Variants in SH2D3C observed in about 807,000 individuals in gnomAD.
SH2D3C encodes SH2 domain containing 3C.
In SH2D3C, 25 loss-of-function variants were observed where a neutral mutation model predicts 75.2. That is an observed-to-expected ratio of 0.33 (90% CI 0.24 to 0.46). The LOEUF (loss-of-function observed/expected upper bound fraction) is 0.46. Ranked by LOEUF, SH2D3C falls within the 20% of genes least tolerant of loss-of-function variation. The pLI, the probability that SH2D3C is intolerant of heterozygous loss-of-function variation, is 1.00. For synonymous variants in SH2D3C, 450 were observed against 473.7 expected, an observed-to-expected ratio of 0.95 and a Z score of 0.65; for missense variants, 933 against 1,165.3, an observed-to-expected ratio of 0.80 and a Z score of 2.90.
At chr9:127,765,218 T>C (rs1845610915) in intron 2 of SH2D3C, among the ~76,000 whole-genome samples, 1 of 152,148 alleles carries the variant, frequency 6.6e-6, no homozygotes, top group South Asian at 2.1e-4. Flanking sequence ...CAGCAAGGTC[T>C]TCCCTGGCCA....
chr9:127,747,987 C>T (rs937879539), intron 5 of SH2D3C, among the ~76,000 whole-genome samples: 8 of 152,202 alleles, frequency 5.3e-5, no homozygotes, highest in Non-Finnish European at 1.0e-4. Context: ...TCCTCTGTCC[C>T]TCTCCTTTCC....
chr9:127,743,881 C>CG (rs987895564), intron 7 of SH2D3C, among the ~76,000 whole-genome samples: 12 of 149,582 alleles, frequency 8.0e-5, no homozygotes, highest in East Asian at 2.0e-4. Context: ...TGTCCAGTGG[C>CG]GGGGGGGCGG....
Position 127,747,287 on chromosome 9 carries a change from C to T in SH2D3C, c.1140-16G>A, listed in dbSNP as rs1289070966. On this transcript the variant is annotated splice_polypyrimidine_tract_variant and intron_variant, in intron 5 of 11. Transcript: ENST00000314830. Reference sequence around the variant, plus strand: ...CAGCGACGTACTGTGGAGCAGACACCATCATGGGCAGGGAGCCCGGAGGTC... The same window carrying T: ...CAGCGACGTACTGTGGAGCAGACACTATCATGGGCAGGGAGCCCGGAGGTC... 4.4e-6 allele frequency: 7 copies of T among 1,608,686 alleles called. No homozygotes were observed. The Admixed American group carries it at 6.7e-5, about 15-fold the overall frequency.
At position 127,774,570 on chromosome 9, in the gene SH2D3C, G is replaced by C; in HGVS notation, c.38-103C>G. On this transcript the variant is annotated intron_variant, in intron 1 of 11. Coordinates refer to ENST00000314830, the MANE Select transcript of SH2D3C (RefSeq NM_170600.3). The surrounding 1 kb of genome is among the most constrained non-coding windows in gnomAD (Gnocchi z 4.3). Reference sequence around the variant, plus strand: ...TTCACTCGGTGAGGGGCTGAAGAGGGCTGGCGGTTTCCCAGACACCCCTTC... The same window carrying C: ...TTCACTCGGTGAGGGGCTGAAGAGGCCTGGCGGTTTCCCAGACACCCCTTC... The C allele has an allele frequency of 4.4e-6, 3 of 684,236 alleles. No homozygotes were observed. Among genetic ancestry groups the C allele is most frequent in the Non-Finnish European group, 7.7e-6 (3 of 390,548 alleles). 42.4% of individuals were successfully genotyped at this position (684,236 alleles called of 1,614,324 possible). A position where few individuals can be genotyped will look rare whatever the true frequency, so the allele number is the denominator to read the frequency against.
rs1044467992 is a variant in SH2D3C at position 127,754,333 on chromosome 9, G to A, written c.556-3033C>T. Among the ~76,000 whole-genome samples the A allele has an allele frequency of 2.0e-5, 3 of 152,078 alleles. No homozygotes were observed. Among genetic ancestry groups the A allele is most frequent in the African/African-American group, 4.8e-5 (2 of 41,424 alleles). ...CCTGGCATCTCCCAGGGGGCTCAGG[G>A]GGCAGGAGCGCGGAGACCCCCGGAC... is the stretch of plus-strand genomic sequence containing the variant. On this transcript the variant is annotated intron_variant, in intron 3 of 11. Coordinates refer to ENST00000314830, the MANE Select transcript of SH2D3C (RefSeq NM_170600.3). This position sits in a 1 kb window ranked among gnomAD's most constrained non-coding sequence, Gnocchi z 4.4.
At chr9:127,771,566 C>T (rs868427227) in intron 2 of SH2D3C, 6 of 328,074 alleles carry the variant, frequency 1.8e-5, no homozygotes, top group Non-Finnish European at 5.5e-6. Flanking sequence ...CCCAGCAGCT[C>T]TCCGCGCAGC....
intron 10 of SH2D3C, 93 bp downstream of exon 10, chr9:127,740,165 G>T (rs1479931858): frequency 2.8e-6 from 3 of 1,066,502 alleles, no homozygotes; most frequent in East Asian, 2.4e-5. Context: ...CTTGCACAGA[G>T]CTCAGCCAGG....
intron 3 of SH2D3C, among the ~76,000 whole-genome samples, chr9:127,752,946 C>A (rs1171592758): frequency 6.6e-6 from 1 of 152,074 alleles, no homozygotes; most frequent in Non-Finnish European, 1.5e-5. Context: ...ACTGGGTGAG[C>A]CAAGCAAAAG....
chr9:127,742,686 A>C (rs1844898392), intron 8 of SH2D3C, 163 bp downstream of exon 8: 1 of 577,470 alleles, frequency 1.7e-6, no homozygotes, highest in Non-Finnish European at 3.1e-6. Context: ...CAGCCTGTTT[A>C]GAGCGGGTTA....
intron 6 of SH2D3C, 24 bp from the exon 7 acceptor site, chr9:127,745,123 C>CA (rs765794901): frequency 6.8e-7 from 1 of 1,473,188 alleles, no homozygotes; most frequent in South Asian, 1.5e-5. Flanking sequence ...GAGAGAGAGG[C>CA]CCCGTTATAG....
intron 8 of SH2D3C, 71 bp from the exon 9 acceptor site, chr9:127,742,030 C>T: frequency 6.9e-7 from 1 of 1,457,856 alleles, no homozygotes; most frequent in Non-Finnish European, 9.2e-7. Context: ...TGGGGCGCTG[C>T]CTGTGGTTGG....
At chr9:127,745,695 T>C (rs1390637323) in intron 6 of SH2D3C, among the ~76,000 whole-genome samples, 1 of 151,976 alleles carries the variant, frequency 6.6e-6, no homozygotes, top group Non-Finnish European at 1.5e-5. Context: ...AATGGCATGA[T>C]CTCAGCTCAC....
intron 2 of SH2D3C, chr9:127,762,268 T>TTTCC (rs1223612032): frequency 8.1e-6 from 10 of 1,239,544 alleles, no homozygotes; most frequent in African/African-American, 1.6e-5. Context: ...GACGGCTGTT[T>TTTCC]TTCCTTCCTT....
rs759648478 is a variant in SH2D3C at position 127,742,837 on chromosome 9, G to A, written c.1916+12C>T. ...GTTCCCCGCGAGTCCCCGGGTGCCG[G>A]CGCTGTCTCACCTTTCCAGCAGGTC... On this transcript the variant is annotated intron_variant, in intron 8 of 11. Transcript: ENST00000314830. The A allele has an allele frequency of 4.4e-6, 7 of 1,602,942 alleles. No homozygotes were observed. The highest frequency in any genetic ancestry group is 2.2e-5 in the East Asian group (1 of 44,540).
chr9:127,747,046 G>A (rs144177398), intron 6 of SH2D3C, 101 bp downstream of exon 6: 96 of 1,212,646 alleles, frequency 7.9e-5, no homozygotes, highest in East Asian at 2.9e-4. Context: ...TAAAGGTCGC[G>A]CCTCATAAAA....
Position 127,754,872 on chromosome 9 carries a change from G to A in SH2D3C, c.556-3572C>T, listed in dbSNP as rs1414555526. ...GCAGCCCAGAGTCCCAGGAGTGGCC[G>A]CCGAACCCTCACCCCGCGGAGCGCC... On this transcript the variant is annotated intron_variant, in intron 3 of 11. Coordinates refer to ENST00000314830, the MANE Select transcript of SH2D3C (RefSeq NM_170600.3). This position sits in a 1 kb window ranked among gnomAD's most constrained non-coding sequence, Gnocchi z 4.4. 4.0e-6 allele frequency: 2 copies of A among 502,978 alleles called. No homozygotes were observed. The highest frequency in any genetic ancestry group is 2.0e-5 in the African/African-American group (1 of 50,618). 31.2% of individuals were successfully genotyped at this position (502,978 alleles called of 1,614,324 possible).
chr9:127,745,455 C>CCT (rs1845001989), intron 6 of SH2D3C, among the ~76,000 whole-genome samples: 1 of 109,554 alleles, frequency 9.1e-6, no homozygotes, highest in Non-Finnish European at 1.8e-5. Context: ...TAATGATTTC[C>CCT]TTTTTTTTTT....
intron 1 of SH2D3C, among the ~76,000 whole-genome samples, chr9:127,776,699 G>A (rs1845816928): frequency 6.6e-6 from 1 of 152,242 alleles, no homozygotes; most frequent in African/African-American, 2.4e-5. Context: ...CAGTTGACAA[G>A]GGAGGAAACT....
At position 127,738,649 on chromosome 9, in the gene SH2D3C, G is replaced by C. The variant is rs1423183258; in HGVS notation, c.*97C>G. 1.5e-6 allele frequency: 2 copies of C among 1,298,648 alleles called. No individual in the cohort carries two copies. The highest frequency in any genetic ancestry group is 2.1e-6 in the Non-Finnish European group (2 of 967,604). 80.4% of individuals were successfully genotyped at this position (1,298,648 alleles called of 1,614,324 possible). ...CTTGAGTTGAACCCAGAACATTCTC[G>C]GGTTGATCACAGTGTCCTTGGGGTG... On this transcript the variant is annotated 3_prime_UTR_variant, in exon 12 of 12. Coordinates refer to ENST00000314830, the MANE Select transcript of SH2D3C (RefSeq NM_170600.3). The surrounding 1 kb of genome is among the most constrained non-coding windows in gnomAD (Gnocchi z 5.0).
Sources: gnomAD v4.1 joint callset for allele counts (sites outside exome capture counted in the v4.1 genomes callset) on GRCh38, gnomAD v4.1.1 for gene constraint, Gnocchi (gnomAD v3.1) non-coding constraint, MANE v1.5 for transcripts, NCBI Gene and HGNC (gene_info 2026-07-23, HGNC 2026-07-21) for gene names.